ABTB3: variants seen among roughly 807,000 people sequenced by gnomAD.
The protein encoded by ABTB3 is ankyrin repeat and BTB domain containing 3.
At chr12:107,458,994 C>T in the ABTB3 span, among the ~76,000 whole-genome samples, 1 of 152,202 alleles carries the variant, frequency 6.6e-6, no homozygotes. Flanking sequence ...ACCTACTCCC[C>T]TGCAGAACTT....
the ABTB3 span, chr12:107,319,878 G>A: frequency 1.5e-6 from 2 of 1,301,290 alleles, no homozygotes; most frequent in Non-Finnish European, 2.0e-6. Flanking sequence ...GGCAGCAGCT[G>A]TTGCGCCCCG....
chr12:107,393,089 C>T, the ABTB3 span, among the ~76,000 whole-genome samples: 21,172 of 152,016 alleles, frequency 0.14, 1,910 homozygotes, highest in East Asian at 0.45. Context: ...CTTCTGCAGC[C>T]GCCGCTGAAG....
the ABTB3 span, among the ~76,000 whole-genome samples, chr12:107,499,218 A>G: frequency 6.6e-6 from 1 of 152,098 alleles, no homozygotes; most frequent in African/African-American, 2.4e-5. Context: ...GTTCTAAATA[A>G]CACAGTACAA....
chr12:107,560,992 T>C, the ABTB3 span, among the ~76,000 whole-genome samples: 1 of 152,330 alleles, frequency 6.6e-6, no homozygotes, highest in South Asian at 2.1e-4. Context: ...GAGTGAGGAA[T>C]TCGGTCAAGA....
At chr12:107,563,951 C>T in the ABTB3 span, among the ~76,000 whole-genome samples, 88 of 152,182 alleles carry the variant, frequency 5.8e-4, 2 homozygotes, top group Middle Eastern at 0.01. Flanking sequence ...AATTGGACGA[C>T]CAGATTTCCA....
chr12:107,604,264 T>C, the ABTB3 span, among the ~76,000 whole-genome samples: 3 of 151,934 alleles, frequency 2.0e-5, no homozygotes, highest in Non-Finnish European at 4.4e-5. Flanking sequence ...CTGGCCAACA[T>C]AGAGAAACTC....
the ABTB3 span, among the ~76,000 whole-genome samples, chr12:107,626,192 T>G: frequency 6.6e-6 from 1 of 152,182 alleles, no homozygotes; most frequent in Non-Finnish European, 1.5e-5. Context: ...CCTTTTAAAG[T>G]CTTCTTATGT....
At chr12:107,519,480 G>A in the ABTB3 span, among the ~76,000 whole-genome samples, 15 of 151,868 alleles carry the variant, frequency 9.9e-5, no homozygotes, top group Non-Finnish European at 1.5e-4. Context: ...CCCACACCCA[G>A]CTAATTTTTA....
the ABTB3 span, among the ~76,000 whole-genome samples, chr12:107,460,272 G>A: frequency 1.3e-5 from 2 of 152,250 alleles, no homozygotes; most frequent in Admixed American, 6.5e-5. Context: ...TCTCTGAGCT[G>A]TTTACTCACT....
At chr12:107,552,073 A>T in the ABTB3 span, among the ~76,000 whole-genome samples, 6 of 152,278 alleles carry the variant, frequency 3.9e-5, no homozygotes, top group African/African-American at 1.2e-4. Context: ...TTTCAGAAAA[A>T]TCAGTGAGAA....
At chr12:107,564,502 A>C in the ABTB3 span, among the ~76,000 whole-genome samples, 1 of 152,154 alleles carries the variant, frequency 6.6e-6, no homozygotes, top group African/African-American at 2.4e-5. Flanking sequence ...CCCCATTTCC[A>C]GATTGGAACC....
the ABTB3 span, among the ~76,000 whole-genome samples, chr12:107,388,696 A>G: frequency 6.6e-6 from 1 of 152,138 alleles, no homozygotes; most frequent in Admixed American, 6.6e-5. Context: ...TGGCATCTGC[A>G]CAGCACCAGC....
the ABTB3 span, among the ~76,000 whole-genome samples, chr12:107,327,932 C>T: frequency 6.6e-6 from 1 of 152,192 alleles, no homozygotes; most frequent in African/African-American, 2.4e-5. Flanking sequence ...GGACGCATAA[C>T]TCCCGGAGAT....
chr12:107,536,147 C>T, the ABTB3 span, among the ~76,000 whole-genome samples: 1 of 152,238 alleles, frequency 6.6e-6, no homozygotes. Flanking sequence ...GGAAAGGACA[C>T]TCTTTTCAAT....
the ABTB3 span, among the ~76,000 whole-genome samples, chr12:107,399,106 G>A: frequency 6.6e-6 from 1 of 151,988 alleles, no homozygotes; most frequent in Admixed American, 6.6e-5. Context: ...TTCCTCCATC[G>A]CTGGAGTGGA....
the ABTB3 span, among the ~76,000 whole-genome samples, chr12:107,342,524 G>A: frequency 6.6e-6 from 1 of 152,014 alleles, no homozygotes; most frequent in Non-Finnish European, 1.5e-5. Flanking sequence ...CTTCTTATCG[G>A]AGCCTCGCCT....
chr12:107,376,701 G>C, the ABTB3 span, among the ~76,000 whole-genome samples: 1 of 152,142 alleles, frequency 6.6e-6, no homozygotes, highest in Admixed American at 6.5e-5. Flanking sequence ...TACTACTGCT[G>C]TGGCCCAGAG....
the ABTB3 span, among the ~76,000 whole-genome samples, chr12:107,577,585 T>G: frequency 6.6e-6 from 1 of 152,080 alleles, no homozygotes; most frequent in African/African-American, 2.4e-5. Context: ...GGCTTGACTC[T>G]GCAGGAAGCC....
the ABTB3 span, among the ~76,000 whole-genome samples, chr12:107,453,907 A>G: frequency 2.0e-5 from 3 of 152,266 alleles, no homozygotes; most frequent in East Asian, 5.8e-4. Context: ...AGGGGGAGGA[A>G]TTGGATGACT....
Sources: allele counts gnomAD v4.1 joint callset (sites outside exome capture counted in the v4.1 genomes callset), GRCh38; gene constraint gnomAD v4.1.1; transcripts MANE v1.5; gene names NCBI Gene and HGNC (gene_info 2026-07-23, HGNC 2026-07-21).